The following RRAGD variants were observed in gnomAD, a reference collection of about 807,000 sequenced individuals.
RRAGD encodes Ras related GTP binding D.
In RRAGD, 12 loss-of-function variants were observed where a neutral mutation model predicts 35.5. The observed-to-expected ratio is 0.34, with a 90% CI of 0.22 to 0.55. The LOEUF is 0.55. Ranked by LOEUF, RRAGD falls within the 20% of genes least tolerant of loss-of-function variation. RRAGD has a pLI of 0.91. For synonymous variants in RRAGD, 155 were observed against 178.9 expected (o/e 0.87, Z 1.07); for missense variants, 324 against 490.1 (o/e 0.66, Z 3.20).
chr6:89,396,140 A>G (rs763336016), intron 1 of RRAGD, among the ~76,000 whole-genome samples: 7 of 152,220 alleles, frequency 4.6e-5, no homozygotes, highest in Non-Finnish European at 7.3e-5. Context: ...TTATTAAAAT[A>G]AAACTTCAAT....
At chr6:89,377,924 T>G in intron 4 of RRAGD, 111 bp from the exon 5 acceptor site, 2 of 789,364 alleles carry the variant, frequency 2.5e-6, no homozygotes, top group Non-Finnish European at 3.9e-6. Context: ...TGAGCAAAAC[T>G]CGCTACTAAA....
At chr6:89,398,359 A>T (rs1380696616) in intron 1 of RRAGD, among the ~76,000 whole-genome samples, 5 of 152,248 alleles carry the variant, frequency 3.3e-5, no homozygotes, top group African/African-American at 1.2e-4. Flanking sequence ...TGTCATAAAA[A>T]AATGTAACCT....
At chr6:89,399,168 G>C (rs2127895626) in intron 1 of RRAGD, among the ~76,000 whole-genome samples, 1 of 152,332 alleles carries the variant, frequency 6.6e-6, no homozygotes, top group South Asian at 2.1e-4. Context: ...CCACGCTGAT[G>C]ACCTGTAGAA....
At chr6:89,385,808 T>C (rs1769128973) in intron 2 of RRAGD, among the ~76,000 whole-genome samples, 1 of 152,098 alleles carries the variant, frequency 6.6e-6, no homozygotes, top group Non-Finnish European at 1.5e-5. Flanking sequence ...CGTACACAAA[T>C]GCAGCCACTT....
At chr6:89,379,456 C>T (rs146641924) in intron 3 of RRAGD, 118 bp from the exon 4 acceptor site, 154 of 452,190 alleles carry the variant, frequency 3.4e-4, no homozygotes, top group African/African-American at 2.7e-3. Flanking sequence ...CACATACAGT[C>T]CAGCCCCCTT....
At chr6:89,374,839 C>T (rs1275726507) in intron 5 of RRAGD, among the ~76,000 whole-genome samples, 3 of 151,956 alleles carry the variant, frequency 2.0e-5, no homozygotes, top group Admixed American at 1.3e-4. Flanking sequence ...AAGTGCTGGA[C>T]ATCAAATGTT....
At chr6:89,403,361 C>T (rs1445009777) in intron 1 of RRAGD, among the ~76,000 whole-genome samples, 1 of 151,918 alleles carries the variant, frequency 6.6e-6, no homozygotes, top group African/African-American at 2.4e-5. Flanking sequence ...AGGAGAATGG[C>T]GTGAACCCAG....
chr6:89,406,213 G>A (rs1769575206), intron 1 of RRAGD, among the ~76,000 whole-genome samples: 2 of 152,110 alleles, frequency 1.3e-5, no homozygotes, highest in South Asian at 2.1e-4. Context: ...GGAAGGGAAG[G>A]GTGTGGTCCC....
At chr6:89,397,559 G>T (rs951255284) in intron 1 of RRAGD, among the ~76,000 whole-genome samples, 1 of 151,060 alleles carries the variant, frequency 6.6e-6, no homozygotes, top group Non-Finnish European at 1.5e-5. Context: ...AGCCGAGATC[G>T]CGCCACTGCA....
rs773945632 is a variant in RRAGD, at chr6:89,380,352, C to A, written c.460G>T (p.Ala154Ser). 1 of 1,614,146 alleles carries A rather than the reference C, an allele frequency of 6.2e-7. No homozygotes were observed. The highest frequency in any genetic ancestry group is 2.2e-5 in the East Asian group (1 of 44,880). ...VIDSQDDYME[A>S]LARLHLTVTR... ...ACCGTGAGGTGGAGCCTGGCCAGGG[C>A]TTCCATGTAATCATCCTAGGACCAA... is the stretch of plus-strand genomic sequence containing the variant. Residue 154 changes from alanine to serine, a missense_variant, in exon 3 of 7, where the codon GCC becomes TCC. Physicochemically the swap from Ala to Ser is moderately conservative, Grantham distance 99 (BLOSUM62 1). Around this residue, in one of 5 missense-constraint regions of RRAGD, gnomAD observed 152 missense variants for 296.9 expected, o/e 0.51. Coordinates refer to ENST00000369415, the MANE Select transcript of RRAGD (RefSeq NM_021244.5).
At chr6:89,399,954 C>T (rs1769425843) in intron 1 of RRAGD, among the ~76,000 whole-genome samples, 2 of 152,102 alleles carry the variant, frequency 1.3e-5, no homozygotes. Context: ...GAGCATAAGT[C>T]TGTTCTACCC....
intron 1 of RRAGD, among the ~76,000 whole-genome samples, chr6:89,397,109 G>A (rs559934889): frequency 2.6e-5 from 4 of 151,996 alleles, no homozygotes; most frequent in African/African-American, 9.7e-5. Flanking sequence ...ATTTATGGAA[G>A]GTAAAAAAGC....
intron 6 of RRAGD, among the ~76,000 whole-genome samples, chr6:89,370,441 A>G (rs1204993662): frequency 6.6e-6 from 1 of 152,236 alleles, no homozygotes; most frequent in Non-Finnish European, 1.5e-5. Flanking sequence ...CCCAATATTG[A>G]TAAGAACACA....
chr6:89,405,908 G>C (rs1769569987), intron 1 of RRAGD, among the ~76,000 whole-genome samples: 2 of 151,978 alleles, frequency 1.3e-5, no homozygotes, highest in Non-Finnish European at 2.9e-5. Context: ...AACCCAAGTG[G>C]GAATGAATCA....
At chr6:89,410,446 C>T (rs1582528923) in intron 1 of RRAGD, among the ~76,000 whole-genome samples, 2 of 152,184 alleles carry the variant, frequency 1.3e-5, no homozygotes, top group South Asian at 2.1e-4. Flanking sequence ...AATTTAATTA[C>T]GGAAGGTAGC....
intron 1 of RRAGD, among the ~76,000 whole-genome samples, chr6:89,402,960 T>C (rs1018297249): frequency 1.3e-5 from 2 of 152,150 alleles, no homozygotes; most frequent in African/African-American, 4.8e-5. Context: ...GTGGTAACAC[T>C]CATCCTTTAC....
rs1769723739 is a variant in RRAGD, at chr6:89,412,252, A to AG, written c.-260dup. The AG allele has an allele frequency of 4.6e-6, 1 of 219,300 alleles. No homozygotes were observed. The highest frequency in any genetic ancestry group is 3.8e-5 in the African/African-American group (1 of 26,626). 13.6% of individuals were successfully genotyped at this position (219,300 alleles called of 1,614,324 possible). A position where few individuals can be genotyped will look rare whatever the true frequency, so the allele number is the denominator to read the frequency against. On this transcript the variant is annotated 5_prime_UTR_variant, in exon 1 of 7. Transcript: ENST00000369415. This position sits in a 1 kb window ranked among gnomAD's most constrained non-coding sequence, Gnocchi z 4.2. ...GCCGGAGCGCGGCAGTTCCTCCCGGAGGAGGGAGAGAGAGAGAGACTGCGT... is the reference window on the plus strand; with the variant it reads ...GCCGGAGCGCGGCAGTTCCTCCCGGAGGGAGGGAGAGAGAGAGAGACTGCGT...
intron 2 of RRAGD, among the ~76,000 whole-genome samples, chr6:89,386,016 G>A (rs920211966): frequency 6.6e-6 from 1 of 152,138 alleles, no homozygotes; most frequent in Non-Finnish European, 1.5e-5. Flanking sequence ...GAAGGGCCAG[G>A]TGTGCTTAGC....
At chr6:89,391,535 T>C (rs1368774308) in intron 1 of RRAGD, among the ~76,000 whole-genome samples, 1 of 152,214 alleles carries the variant, frequency 6.6e-6, no homozygotes, top group East Asian at 1.9e-4. Context: ...TCTATTTACA[T>C]GAAATGTTCA....
Sources: gnomAD v4.1 joint callset for allele counts (sites outside exome capture counted in the v4.1 genomes callset) on GRCh38, gnomAD v4.1.1 for gene constraint, gnomAD v4.1.1 regional missense constraint, Gnocchi (gnomAD v3.1) non-coding constraint, MANE v1.5 for transcripts, NCBI Gene and HGNC (gene_info 2026-07-23, HGNC 2026-07-21) for gene names.